Variants in CLDN14 observed in about 807,000 individuals in gnomAD.
CLDN14 encodes claudin 14, also known as claudin-14.
Under a neutral mutation model 2.1 loss-of-function variants are expected in CLDN14, and 2 were observed. The observed-to-expected ratio is 0.96, with a 90% CI of 0.39 to 3.01. CLDN14 has a LOEUF of 3.01. Among genes scored for constraint, CLDN14 ranks in the 30% most tolerant of loss-of-function variants. CLDN14 has a pLI of 0.09. For missense variants in CLDN14, 298 were observed against 328.0 expected, an observed-to-expected ratio of 0.91 and a Z score of 0.71; for synonymous variants, 136 against 154.4, an observed-to-expected ratio of 0.88 and a Z score of 0.88.
At chr21:36,504,109 T>C (rs2087111441) in intron 2 of CLDN14, among the ~76,000 whole-genome samples, 1 of 149,926 alleles carries the variant, frequency 6.7e-6, no homozygotes. Flanking sequence ...GAGGCCAAAG[T>C]GGGAGGATCA....
chr21:36,495,835 C>T (rs2146468483), intron 2 of CLDN14, among the ~76,000 whole-genome samples: 1 of 152,276 alleles, frequency 6.6e-6, no homozygotes, highest in South Asian at 2.1e-4. Flanking sequence ...GTCCCTACAC[C>T]AATGCCACTG....
At chr21:36,554,955 G>T (rs1482010917) in intron 1 of CLDN14, among the ~76,000 whole-genome samples, 1 of 152,196 alleles carries the variant, frequency 6.6e-6, no homozygotes, top group African/African-American at 2.4e-5. Flanking sequence ...TTATAGAATT[G>T]CTTCCTCAAT....
chr21:36,537,694 G>T (rs2087437945), intron 1 of CLDN14, among the ~76,000 whole-genome samples: 2 of 141,412 alleles, frequency 1.4e-5, no homozygotes, highest in African/African-American at 5.1e-5. Flanking sequence ...CTGTCACCCA[G>T]GCTGGAGTGC....
chr21:36,573,173 C>T (rs558416316), intron 1 of CLDN14, among the ~76,000 whole-genome samples: 11 of 151,954 alleles, frequency 7.2e-5, no homozygotes, highest in Non-Finnish European at 1.2e-4. Flanking sequence ...TGGTGGTGGG[C>T]GCCTGTAGTC....
At position 36,550,982 on chromosome 21, in the gene CLDN14, A is replaced by G. The variant is rs530455651; in HGVS notation, c.-220+25429T>C. 5.3e-5 allele frequency among the ~76,000 whole-genome samples: 8 copies of G among 152,304 alleles called. No homozygotes were observed. In the East Asian group the frequency reaches 1.4e-3, roughly 26 times the overall value. On this transcript the variant is annotated intron_variant, in intron 1 of 2. Transcript: ENST00000342108. ...ACTCCAAAATGACTGTTGTCCTTAG[A>G]AGCAGGCACCAGGGGAAGGCCACGT...
chr21:36,463,855 A>G (rs2086611201), intron 1 of CLDN14, among the ~76,000 whole-genome samples: 1 of 152,234 alleles, frequency 6.6e-6, no homozygotes, highest in Non-Finnish European at 1.5e-5. Flanking sequence ...AAAAACATAT[A>G]CTGGGTTTAA....
At chr21:36,467,927 C>T (rs1238712909) in intron 1 of CLDN14, among the ~76,000 whole-genome samples, 2 of 152,156 alleles carry the variant, frequency 1.3e-5, no homozygotes, top group Non-Finnish European at 2.9e-5. Context: ...AGTTTCTTTA[C>T]CCAGAACTGC....
intron 1 of CLDN14, among the ~76,000 whole-genome samples, chr21:36,563,892 C>A (rs149133083): frequency 7.4e-4 from 112 of 152,254 alleles, no homozygotes; most frequent in Middle Eastern, 6.8e-3. Flanking sequence ...GCCATTACGC[C>A]ATATTTGAAT....
At position 36,463,107 on chromosome 21, in the gene CLDN14, G is replaced by T. The variant is rs190871138; in HGVS notation, c.-81-1331C>A. ...AGTGGAAGTCTTGAGTGGACCACTA[G>T]CTTTTCTCTCCTGCCTGGGGCAAGG... is the stretch of plus-strand genomic sequence containing the variant. On this transcript the variant is annotated intron_variant, in intron 1 of 1. Transcript: ENST00000399135. Among the ~76,000 whole-genome samples the T allele has an allele frequency of 9.8e-5, 15 of 152,328 alleles. No individual in the cohort carries two copies. In the East Asian group the frequency reaches 2.7e-3, roughly 27 times the overall value.
upstream of CLDN14, among the ~76,000 whole-genome samples, chr21:36,483,272 C>T (rs192769438): frequency 2.0e-5 from 2 of 98,820 alleles, no homozygotes; most frequent in African/African-American, 8.5e-5. Context: ...CTGCATCTCT[C>T]TCTGCGCCGC....
At chr21:36,537,063 G>T (rs1248215989) in intron 1 of CLDN14, among the ~76,000 whole-genome samples, 1 of 152,204 alleles carries the variant, frequency 6.6e-6, no homozygotes, top group Non-Finnish European at 1.5e-5. Flanking sequence ...GGTGGCGCAT[G>T]CCTGTAATTT....
At chr21:36,564,992 A>G (rs528653560) in intron 1 of CLDN14, among the ~76,000 whole-genome samples, 2 of 152,366 alleles carry the variant, frequency 1.3e-5, no homozygotes, top group South Asian at 2.1e-4. Context: ...CAATACCTTG[A>G]TCACAACCCA....
In CLDN14 at chr21:36,556,907, G is replaced by C. The variant is rs2087602721; in HGVS notation, c.-220+19504C>G. Among the ~76,000 whole-genome samples the C allele has an allele frequency of 2.0e-5, 3 of 152,140 alleles. No individual in the cohort carries two copies. The South Asian group carries it at 6.2e-4, about 31-fold the overall frequency. ...AGCATCTCTAGAACTTAATCATCTT[G>C]CATAATTGTAACTTCATACCAGGTG... On this transcript the variant is annotated intron_variant, in intron 1 of 2. Coordinates refer to the CLDN14 transcript ENST00000342108.
intron 2 of CLDN14, among the ~76,000 whole-genome samples, chr21:36,503,966 A>G (rs185294988): frequency 1.5e-3 from 220 of 150,628 alleles, no homozygotes; most frequent in Admixed American, 2.7e-3. Context: ...CATCAATTGT[A>G]AGATGTAGTA....
At chr21:36,470,836 C>T (rs1164533782) in intron 1 of CLDN14, among the ~76,000 whole-genome samples, 1 of 152,130 alleles carries the variant, frequency 6.6e-6, no homozygotes, top group African/African-American at 2.4e-5. Flanking sequence ...ATTAGCTGGG[C>T]ATGGTGGCTC....
At chr21:36,525,079 G>A (rs1207121618) in intron 1 of CLDN14, among the ~76,000 whole-genome samples, 1 of 152,198 alleles carries the variant, frequency 6.6e-6, no homozygotes, top group Non-Finnish European at 1.5e-5. Flanking sequence ...CTCCCTCACG[G>A]AGGGTGAACA....
At chr21:36,526,694 CA>C in intron 1 of CLDN14, among the ~76,000 whole-genome samples, 1 of 152,282 alleles carries the variant, frequency 6.6e-6, no homozygotes, top group East Asian at 1.9e-4. Flanking sequence ...TCCCACCAGG[CA>C]ACCACGGGCA....
chr21:36,501,590 C>T (rs927280514), intron 2 of CLDN14, among the ~76,000 whole-genome samples: 1 of 151,930 alleles, frequency 6.6e-6, no homozygotes, highest in Non-Finnish European at 1.5e-5. Flanking sequence ...TCCTAAATTT[C>T]CTCCTTGAAG....
chr21:36,554,759 G>T (rs983718530), intron 1 of CLDN14, among the ~76,000 whole-genome samples: 3 of 152,110 alleles, frequency 2.0e-5, no homozygotes, highest in Admixed American at 6.5e-5. Context: ...TTCCCTGAGG[G>T]CAGAGGAGGA....
Sources: gnomAD v4.1 joint callset for allele counts (sites outside exome capture counted in the v4.1 genomes callset) on GRCh38, gnomAD v4.1.1 for gene constraint, MANE v1.5 for transcripts, NCBI Gene and HGNC (gene_info 2026-07-23, HGNC 2026-07-21) for gene names.